The following ZNF805 variants were observed in gnomAD, a reference collection of about 807,000 sequenced individuals.
The protein encoded by ZNF805 is CTC-444N24.8.
In ZNF805, 7 loss-of-function variants were observed where a neutral mutation model predicts 13.6. That is an observed-to-expected ratio of 0.51 (90% CI 0.29 to 0.97). ZNF805 has a LOEUF of 0.97. Among genes scored for constraint, ZNF805 ranks in the 50% least tolerant of loss-of-function variants. The probability of loss-of-function intolerance (pLI) is 0.08; values close to 1 mark genes in which losing one functional copy is unlikely to be tolerated. For missense variants in ZNF805, 604 were observed against 771.0 expected (o/e 0.78, Z 2.57); for synonymous variants, 293 against 279.8 (o/e 1.05, Z -0.47).
At position 57,259,488 on chromosome 19, in the gene ZNF805, T is replaced by C. The variant is rs955763874; in HGVS notation, c.*4785T>C. Among the ~76,000 whole-genome samples, 1 of 152,108 alleles carries C rather than the reference T, an allele frequency of 6.6e-6. No individual in the cohort carries two copies. The highest frequency in any genetic ancestry group is 1.5e-5 in the Non-Finnish European group (1 of 68,034). On this transcript the variant is annotated 3_prime_UTR_variant, in exon 4 of 4. Transcript: ENST00000414468. ...TTTTTGTATTTTTCAGTTGTTTAAT[T>C]TCCATTTGTTTTGTTTTGTTTTGTT... is the stretch of plus-strand genomic sequence containing the variant.
intron 2 of ZNF805, among the ~76,000 whole-genome samples, chr19:57,245,742 G>A (rs1016815797): frequency 4.0e-5 from 6 of 151,308 alleles, no homozygotes; most frequent in Middle Eastern, 6.8e-3. Context: ...TTGCACCACT[G>A]CACTCCAGCC....
chr19:57,251,627 G>T (rs146914552), intron 3 of ZNF805, among the ~76,000 whole-genome samples: 22 of 117,632 alleles, frequency 1.9e-4, no homozygotes, highest in African/African-American at 6.7e-4. Flanking sequence ...AGCGTAGTCT[G>T]ATTTATGTTT....
At position 57,258,536 on chromosome 19, in the gene ZNF805, G is replaced by A. The variant is rs2087704177; in HGVS notation, c.*3833G>A. On this transcript the variant is annotated 3_prime_UTR_variant, in exon 4 of 4. Coordinates refer to ENST00000414468, the MANE Select transcript of ZNF805 (RefSeq NM_001023563.4). ...TTTGTATTTTTGTATTAATTTTTTA[G>A]TGGTTGCTTTAAGTAGTATAATGTA... 8.1e-6 allele frequency among the ~76,000 whole-genome samples: 1 copy of A among 122,732 alleles called. No homozygotes were observed. The highest frequency in any genetic ancestry group is 3.2e-5 in the African/African-American group (1 of 31,568). The allele number at this position is 122,732 out of a possible 152,430, so 80.5% of individuals were successfully genotyped here.
chr19:57,244,951 GT>G (rs376842400), intron 2 of ZNF805, among the ~76,000 whole-genome samples: 11 of 149,536 alleles, frequency 7.4e-5, no homozygotes, highest in South Asian at 2.1e-4. Flanking sequence ...TCTGTCTGCA[GT>G]TTTTTTTTTG....
At position 57,244,015 on chromosome 19, in the gene ZNF805, G is replaced by A; in HGVS notation, c.123G>A (p.Val41=). The change falls in exon 2 of 4, where the codon GTG becomes GTA. Residue 41 remains valine, a synonymous_variant. Coordinates refer to ENST00000414468, the MANE Select transcript of ZNF805 (RefSeq NM_001023563.4). The part of the protein sequence containing the change: ...DLAQRTLYQE[V]MLENCGLLVS... ...CTCAGCGGACCCTGTACCAGGAGGT[G>A]ATGCTGGAAAACTGTGGGCTCCTGG... 6.2e-7 allele frequency: 1 copy of A among 1,614,042 alleles called. No homozygotes were observed. The highest frequency in any genetic ancestry group is 8.5e-7 in the Non-Finnish European group (1 of 1,179,980).
intron 1 of ZNF805, among the ~76,000 whole-genome samples, chr19:57,242,425 A>C (rs755169981): frequency 2.6e-5 from 4 of 152,246 alleles, no homozygotes; most frequent in Non-Finnish European, 5.9e-5. Flanking sequence ...CCACCTGCTG[A>C]GACATGGCCT....
Position 57,256,200 on chromosome 19 carries a change from TTTTG to T in ZNF805, c.*1503_*1506del, listed in dbSNP as rs918786393. Among the ~76,000 whole-genome samples, 3 of 152,160 alleles carry T rather than the reference TTTTG, an allele frequency of 2.0e-5. No homozygotes were observed. The highest frequency in any genetic ancestry group is 4.8e-5 in the African/African-American group (2 of 41,458). Reference sequence around the variant, plus strand: ...AGCCCTACTTGATCATGGAGTATAATTTTGTTTGTGTACTATGCTACAGTATTTC... The same window carrying T: ...AGCCCTACTTGATCATGGAGTATAATTTTGTGTACTATGCTACAGTATTTC... On this transcript the variant is annotated 3_prime_UTR_variant, in exon 4 of 4. Coordinates refer to ENST00000414468, the MANE Select transcript of ZNF805 (RefSeq NM_001023563.4).
rs2087686418 is a variant in ZNF805 at position 57,256,188 on chromosome 19, C to A, written c.*1485C>A. Among the ~76,000 whole-genome samples the A allele has an allele frequency of 6.6e-6, 1 of 152,110 alleles. No homozygotes were observed. The highest frequency in any genetic ancestry group is 2.4e-5 in the African/African-American group (1 of 41,426). On this transcript the variant is annotated 3_prime_UTR_variant, in exon 4 of 4. Transcript: ENST00000414468. ...ATCTTTGTGATAAGCCCTACTTGAT[C>A]ATGGAGTATAATTTTGTTTGTGTAC...
At position 57,254,674 on chromosome 19, in the gene ZNF805, A is replaced by G. The variant is rs752856341; in HGVS notation, c.1855A>G (p.Arg619Gly). Residue 619 changes from arginine to glycine, a missense_variant, in exon 4 of 4, where the codon AGA (arginine) becomes GGA (glycine). Around this residue, in one of 3 missense-constraint regions of ZNF805, gnomAD observed 49 missense variants for 40.0 expected, o/e 1.23. Transcript: ENST00000414468. ...CATGGCATCTGATCGTACATACCAA[A>G]GAGAAACCCCACAAGTGTCTTCACT... ...SYMASDRTYQ[R>G]ETPQVSSL 6.2e-7 allele frequency: 1 copy of G among 1,613,154 alleles called. No individual in the cohort carries two copies. Among genetic ancestry groups the G allele is most frequent in the Admixed American group, 1.7e-5 (1 of 59,864 alleles).
intron 2 of ZNF805, among the ~76,000 whole-genome samples, chr19:57,247,770 C>T (rs1326286485): frequency 6.6e-6 from 1 of 152,184 alleles, no homozygotes; most frequent in East Asian, 1.9e-4. Flanking sequence ...ACCTGGGTTT[C>T]CTTATTGACT....
intron 2 of ZNF805, among the ~76,000 whole-genome samples, chr19:57,245,906 C>G (rs2087615183): frequency 6.6e-6 from 1 of 152,154 alleles, no homozygotes; most frequent in Non-Finnish European, 1.5e-5. Flanking sequence ...CAAAGAATTA[C>G]CTGGACCTAA....
At chr19:57,240,975 C>T (rs1331087015) in intron 1 of ZNF805, 54 bp downstream of exon 1, 3 of 1,539,694 alleles carry the variant, frequency 1.9e-6, no homozygotes, top group South Asian at 1.2e-5. Flanking sequence ...GGGGAAGCCT[C>T]CTGGGCAGGC....
At chr19:57,244,974 G>T (rs7260474) in intron 2 of ZNF805, among the ~76,000 whole-genome samples, 1 of 151,634 alleles carries the variant, frequency 6.6e-6, no homozygotes, top group African/African-American at 2.4e-5. Context: ...GTTCCAGAGC[G>T]GGATCTGCCT....
intron 2 of ZNF805, among the ~76,000 whole-genome samples, chr19:57,245,616 A>G (rs1022747696): frequency 4.7e-5 from 7 of 149,174 alleles, no homozygotes. Context: ...TGTCTCTACT[A>G]AAAATACAAA....
chr19:57,245,344 G>A (rs915443156), intron 2 of ZNF805, among the ~76,000 whole-genome samples: 20 of 152,026 alleles, frequency 1.3e-4, no homozygotes, highest in African/African-American at 1.2e-4. Flanking sequence ...CCTGACCACC[G>A]AATCTTGGGG....
chr19:57,250,700 C>G (rs2087646568), intron 3 of ZNF805, among the ~76,000 whole-genome samples: 2 of 152,224 alleles, frequency 1.3e-5, no homozygotes, highest in Admixed American at 1.3e-4. Flanking sequence ...TCCCCAGCAA[C>G]TCAGCATATG....
Position 57,240,778 on chromosome 19 carries a change from C to G in ZNF805, c.-114C>G. ...GCCTCCCCGTAACGAGAGAGTTTGA[C>G]TGTCAGCCAAGGTCACCGGGCCCGG... is the stretch of plus-strand genomic sequence containing the variant. On this transcript the variant is annotated 5_prime_UTR_variant, in exon 1 of 4. Coordinates refer to ENST00000414468, the MANE Select transcript of ZNF805 (RefSeq NM_001023563.4). 2 of 1,015,474 alleles carry G rather than the reference C, an allele frequency of 2.0e-6. No homozygotes were observed. The highest frequency in any genetic ancestry group is 2.8e-6 in the Non-Finnish European group (2 of 705,438). 62.9% of individuals were successfully genotyped at this position (1,015,474 alleles called of 1,614,324 possible). A position where few individuals can be genotyped will look rare whatever the true frequency, so the allele number is the denominator to read the frequency against.
intron 1 of ZNF805, among the ~76,000 whole-genome samples, 179 bp downstream of exon 1, chr19:57,241,100 A>G (rs1450230302): frequency 2.0e-5 from 3 of 152,146 alleles, no homozygotes; most frequent in Non-Finnish European, 4.4e-5. Context: ...GAGACTGAAT[A>G]TTGAAGCGGA....
At chr19:57,248,244 T>C (rs8112572) in intron 2 of ZNF805, among the ~76,000 whole-genome samples, 66,372 of 151,566 alleles carry the variant, frequency 0.44, 15,707 homozygotes, top group Non-Finnish European at 0.53. Context: ...TAAGTGAAGA[T>C]ACATACCTTG....
Sources: allele counts gnomAD v4.1 joint callset (sites outside exome capture counted in the v4.1 genomes callset), GRCh38; gene constraint gnomAD v4.1.1; regional missense constraint gnomAD v4.1.1; transcripts MANE v1.5; gene names NCBI Gene and HGNC (gene_info 2026-07-23, HGNC 2026-07-21).